PDE3A: variants seen among roughly 807,000 people sequenced by gnomAD.
The protein encoded by PDE3A is cGMP-inhibited 3',5'-cyclic phosphodiesterase 3A.
A neutral mutation model predicts 98.3 loss-of-function variants in PDE3A; 43 were observed. That is an observed-to-expected ratio of 0.44 (90% CI 0.34 to 0.56). PDE3A has a LOEUF of 0.56. PDE3A is among the 20% of genes least tolerant of loss of function. The pLI is 0.01. For synonymous variants in PDE3A, 663 were observed against 567.9 expected (o/e 1.17, Z -2.38); for missense variants, 1,427 against 1,440.7 (o/e 0.99, Z 0.15).
Position 20,439,686 on chromosome 12 carries a change from A to G in PDE3A, c.960+69442A>G, listed in dbSNP as rs145083580. ...TCTGTCTTTACCTTGTAGCCTTGCA[A>G]TGCGTAATTCAAAATGTTTGCAAAG... is the stretch of plus-strand genomic sequence containing the variant. On this transcript the variant is annotated intron_variant, in intron 1 of 15. Transcript: ENST00000359062. 4.1e-3 allele frequency among the ~76,000 whole-genome samples: 624 copies of G among 152,292 alleles called. 4 individuals are homozygous for G. Among genetic ancestry groups the G allele is most frequent in the African/African-American group, 0.014 (572 of 41,568 alleles).
chr12:20,370,540 C>A (rs1312916346), intron 1 of PDE3A, among the ~76,000 whole-genome samples: 1 of 151,848 alleles, frequency 6.6e-6, no homozygotes, highest in Admixed American at 6.6e-5. Flanking sequence ...TTTAGATCTG[C>A]TACACCTGGT....
rs35355077 is a variant in PDE3A at position 20,530,489 on chromosome 12, CTT to C, written c.961-26156_961-26155del. Among the ~76,000 whole-genome samples, 791 of 143,778 alleles carry C rather than the reference CTT, an allele frequency of 5.5e-3. 3 individuals carry two copies. The highest frequency in any genetic ancestry group is 0.016 in the African/African-American group (620 of 38,936). The allele number at this position is 143,778 out of a possible 152,430, so 94.3% of individuals were successfully genotyped here. ...AATATATATTAATGACTATACAATA[CTT>C]TTTTTTTTTTTTTTAAGAGATGGGG... is the stretch of plus-strand genomic sequence containing the variant. On this transcript the variant is annotated intron_variant, in intron 1 of 15. Coordinates refer to ENST00000359062, the MANE Select transcript of PDE3A (RefSeq NM_000921.5).
chr12:20,630,055 G>C lies in PDE3A; in HGVS notation c.1688G>C (p.Arg563Thr). The change falls in exon 6 of 16, where the codon AGG (arginine) becomes ACG (threonine). Residue 563 changes from arginine to threonine, a missense_variant. Transcript: ENST00000359062. ...TTAKQSLGSH[R>T]ALTYTQSAPD... ...GCCAAACAAAGCCTAGGTTCTCACAGGGCCTTAACTTACACTCAGAGTGCC... is the reference window on the plus strand; with the variant it reads ...GCCAAACAAAGCCTAGGTTCTCACACGGCCTTAACTTACACTCAGAGTGCC... 6.2e-7 allele frequency: 1 copy of C among 1,613,962 alleles called. No homozygotes were observed. Among genetic ancestry groups the C allele is most frequent in the South Asian group, 1.1e-5 (1 of 91,074 alleles).
chr12:20,392,194 CCTT>C (rs1342408345), intron 1 of PDE3A, among the ~76,000 whole-genome samples: 6 of 151,900 alleles, frequency 3.9e-5, no homozygotes, highest in African/African-American at 9.7e-5. Flanking sequence ...GTACTTTAGA[CCTT>C]CTGTTTTTGT....
intron 1 of PDE3A, among the ~76,000 whole-genome samples, chr12:20,480,783 T>C (rs538371842): frequency 2.8e-4 from 42 of 152,332 alleles, no homozygotes; most frequent in African/African-American, 9.9e-4. Flanking sequence ...TTTTCCACTA[T>C]CTTTTCACAA....
chr12:20,482,569 GT>G (rs1219173470), intron 1 of PDE3A, among the ~76,000 whole-genome samples: 2 of 152,102 alleles, frequency 1.3e-5, no homozygotes, highest in Non-Finnish European at 2.9e-5. Context: ...TAAAATAAAA[GT>G]TTTTTTCTCA....
At chr12:20,443,545 ATT>A (rs1448161220) in intron 1 of PDE3A, among the ~76,000 whole-genome samples, 1 of 152,108 alleles carries the variant, frequency 6.6e-6, no homozygotes, top group Non-Finnish European at 1.5e-5. Context: ...TTGACTAGTC[ATT>A]TTTTTGACTA....
intron 1 of PDE3A, among the ~76,000 whole-genome samples, chr12:20,397,874 A>G (rs1223541357): frequency 6.6e-6 from 1 of 152,124 alleles, no homozygotes; most frequent in Non-Finnish European, 1.5e-5. Context: ...CAAAGTGGAC[A>G]TTGCAAATGA....
chr12:20,409,012 T>C (rs1250235159), intron 1 of PDE3A, among the ~76,000 whole-genome samples: 2 of 152,140 alleles, frequency 1.3e-5, no homozygotes, highest in Non-Finnish European at 2.9e-5. Flanking sequence ...AAATGGGAAT[T>C]TTTTTAATGA....
intron 1 of PDE3A, among the ~76,000 whole-genome samples, chr12:20,419,323 T>C (rs563178522): frequency 1.4e-4 from 21 of 152,224 alleles, no homozygotes; most frequent in African/African-American, 5.1e-4. Context: ...GGCAAGATCT[T>C]GCTCTGTCAT....
chr12:20,378,171 A>T (rs1943604328), intron 1 of PDE3A, among the ~76,000 whole-genome samples: 1 of 151,696 alleles, frequency 6.6e-6, no homozygotes, highest in South Asian at 2.1e-4. Context: ...TGGAATTTTT[A>T]AAGTAGGAAT....
chr12:20,577,619 T>C (rs1260188397), intron 2 of PDE3A, among the ~76,000 whole-genome samples: 1 of 152,166 alleles, frequency 6.6e-6, no homozygotes, highest in African/African-American at 2.4e-5. Context: ...ACCAGTCAAA[T>C]AATCTCTTTA....
intron 1 of PDE3A, among the ~76,000 whole-genome samples, chr12:20,462,682 T>G (rs2120932302): frequency 1.3e-5 from 2 of 152,334 alleles, no homozygotes; most frequent in South Asian, 4.1e-4. Context: ...TCTGAAGTTT[T>G]TTTATTCTTC....
chr12:20,588,978 A>C (rs958149768), intron 2 of PDE3A, among the ~76,000 whole-genome samples: 1 of 152,178 alleles, frequency 6.6e-6, no homozygotes, highest in Non-Finnish European at 1.5e-5. Flanking sequence ...GCTGGAGTGT[A>C]GTGGCGCCAT....
intron 2 of PDE3A, among the ~76,000 whole-genome samples, chr12:20,585,105 G>A (rs1048186661): frequency 1.3e-5 from 2 of 152,018 alleles, no homozygotes; most frequent in African/African-American, 2.4e-5. Flanking sequence ...TGATTATGTC[G>A]GAGGATTTCT....
intron 1 of PDE3A, among the ~76,000 whole-genome samples, chr12:20,443,395 T>C (rs1336041415): frequency 6.6e-6 from 1 of 152,202 alleles, no homozygotes; most frequent in African/African-American, 2.4e-5. Context: ...CAAATGTACT[T>C]ATTTAACAAT....
At chr12:20,370,391 T>TTTTTTTTTG in intron 1 of PDE3A, 147 bp downstream of exon 1, 3 of 497,478 alleles carry the variant, frequency 6.0e-6, no homozygotes, top group East Asian at 3.4e-5. Context: ...ACTAGCAGGT[T>TTTTTTTTTG]TTTTTTTTGT....
intron 1 of PDE3A, among the ~76,000 whole-genome samples, chr12:20,512,764 G>A (rs1014495606): frequency 1.3e-5 from 2 of 152,106 alleles, no homozygotes; most frequent in African/African-American, 2.4e-5. Flanking sequence ...ACGTTAGATA[G>A]TGTCCTATTT....
In PDE3A at chr12:20,368,760, G is replaced by A. The variant is rs966008053; in HGVS notation, c.-525G>A. Among the ~76,000 whole-genome samples, 11 of 152,022 alleles carry A rather than the reference G, an allele frequency of 7.2e-5. No individual in the cohort carries two copies. The highest frequency in any genetic ancestry group is 1.3e-4 in the Non-Finnish European group (9 of 67,978). On this transcript the variant is annotated 5_prime_UTR_variant, in exon 1 of 16. Transcript: ENST00000359062. ...AGTGATAGAAAAAGAGCTGCAGGAA[G>A]GAGGAGAAGGGAGACCTCCATCTGC...
Sources: gnomAD v4.1 joint callset for allele counts (sites outside exome capture counted in the v4.1 genomes callset) on GRCh38, gnomAD v4.1.1 for gene constraint, MANE v1.5 for transcripts, NCBI Gene and HGNC (gene_info 2026-07-23, HGNC 2026-07-21) for gene names.